The following NLRP5 variants were observed in gnomAD, a reference collection of about 807,000 sequenced individuals.
The protein encoded by NLRP5 is NACHT, LRR and PYD domains-containing protein 5.
In NLRP5, 93 loss-of-function variants were observed where a neutral mutation model predicts 113.1. The ratio of observed to expected loss-of-function variants is 0.82; its 90% CI spans 0.70 to 0.98. The LOEUF (loss-of-function observed/expected upper bound fraction) is 0.98, where lower values mean the gene tolerates loss of function less well. Ranked by LOEUF, NLRP5 falls within the 50% of genes least tolerant of loss-of-function variation. The pLI, the probability that NLRP5 is intolerant of heterozygous loss-of-function variation, is 0.00. For synonymous variants in NLRP5, 751 were observed against 600.7 expected, an observed-to-expected ratio of 1.25 and a Z score of -3.66; for missense variants, 1,808 against 1,514.3, an observed-to-expected ratio of 1.19 and a Z score of -3.22.
chr19:56,008,667 T>G, intron 2 of NLRP5, 121 bp from the exon 3 acceptor site: 35 of 819,240 alleles, frequency 4.3e-5, no homozygotes, highest in Non-Finnish European at 6.5e-5. Context: ...TGGAATAAAC[T>G]GAGATCCTGA....
chr19:55,994,416 G>T, the NLRP5 span, among the ~76,000 whole-genome samples: 6 of 151,904 alleles, frequency 3.9e-5, no homozygotes, highest in African/African-American at 1.5e-4. Flanking sequence ...TTTTGGGAGG[G>T]GGGACAGAGT....
chr19:56,046,344 C>T (rs306435), intron 11 of NLRP5, among the ~76,000 whole-genome samples: 108,494 of 151,852 alleles, frequency 0.71, 39,577 homozygotes, highest in African/African-American at 0.81. Context: ...GGTTAGCTAG[C>T]ATTTTGTTAA....
chr19:56,030,714 C>CTTCTTTTTTTTTTTTTTTTTTA (rs1555767859), intron 7 of NLRP5, among the ~76,000 whole-genome samples: 1 of 71,350 alleles, frequency 1.4e-5, no homozygotes, highest in African/African-American at 7.2e-5. Flanking sequence ...CTTTCTTCTT[C>CTTCTTTTTTTTTTTTTTTTTTA]TTTTTTTTTT....
chr19:56,005,091 C>T (rs1232464509), intron 2 of NLRP5, among the ~76,000 whole-genome samples: 1 of 42,088 alleles, frequency 2.4e-5, no homozygotes, highest in Non-Finnish European at 4.4e-5. Context: ...GAGACTGTGT[C>T]TCAAAAAAAA....
intron 6 of NLRP5, among the ~76,000 whole-genome samples, chr19:56,024,418 A>G (rs891008499): frequency 9.6e-5 from 12 of 124,980 alleles, no homozygotes; most frequent in African/African-American, 2.5e-4. Context: ...ATATGTATAT[A>G]TGTTATATAT....
intron 3 of NLRP5, among the ~76,000 whole-genome samples, chr19:56,012,889 T>C (rs1395166086): frequency 6.6e-6 from 1 of 151,906 alleles, no homozygotes; most frequent in Non-Finnish European, 1.5e-5. Flanking sequence ...TCTCTTTATA[T>C]ACTTTCCTTG....
At chr19:56,018,490 T>C (rs1371864763) in intron 4 of NLRP5, 2 of 152,222 alleles carry the variant, frequency 1.3e-5, no homozygotes, top group Non-Finnish European at 2.9e-5. Flanking sequence ...TTCTTTGCTT[T>C]TCTAGATGAG....
At chr19:56,055,073 C>T (rs1184693060) in intron 13 of NLRP5, among the ~76,000 whole-genome samples, 2 of 147,760 alleles carry the variant, frequency 1.4e-5, no homozygotes, top group Non-Finnish European at 3.0e-5. Context: ...AATCTCGGCT[C>T]CCTGGAATCT....
At position 56,061,373 on chromosome 19, in the gene NLRP5, G is replaced by A. The variant is rs145389690; in HGVS notation, c.3471-23G>A. On this transcript the variant is annotated intron_variant, in intron 14 of 14. Coordinates refer to ENST00000390649, the MANE Select transcript of NLRP5 (RefSeq NM_153447.4). ...GAGTCGAAAGCAACATCTCAGTAAC[G>A]AGTCCTCTCTCTGCCTCCCCAGGCT... 6.3e-5 allele frequency: 101 copies of A among 1,610,872 alleles called. No individual in the cohort carries two copies. In the African/African-American group the frequency reaches 6.5e-4, roughly 10 times the overall value.
At chr19:56,015,980 G>T (rs960073662) in intron 4 of NLRP5, among the ~76,000 whole-genome samples, 182 bp downstream of exon 4, 4 of 152,018 alleles carry the variant, frequency 2.6e-5, no homozygotes, top group Non-Finnish European at 4.4e-5. Flanking sequence ...AACCTTGCAC[G>T]TTCACTACGA....
chr19:56,021,648 G>A (rs966069886), intron 6 of NLRP5, among the ~76,000 whole-genome samples: 1 of 152,184 alleles, frequency 6.6e-6, no homozygotes, highest in African/African-American at 2.4e-5. Flanking sequence ...GTGTCTATCA[G>A]CACTTCGTTT....
intron 12 of NLRP5, among the ~76,000 whole-genome samples, chr19:56,051,853 A>T (rs1983942797): frequency 6.6e-6 from 1 of 152,208 alleles, no homozygotes; most frequent in African/African-American, 2.4e-5. Context: ...GAATTAATGG[A>T]CCACAAGTGG....
chr19:56,009,100 A>G (rs929803654), intron 3 of NLRP5, among the ~76,000 whole-genome samples: 4 of 151,902 alleles, frequency 2.6e-5, no homozygotes, highest in African/African-American at 9.7e-5. Context: ...GTACTTTGGG[A>G]GGCTGAGGTG....
intron 2 of NLRP5, among the ~76,000 whole-genome samples, chr19:56,005,271 A>G (rs1244950484): frequency 2.0e-5 from 3 of 147,158 alleles, no homozygotes; most frequent in South Asian, 4.2e-4. Context: ...ATACACATAC[A>G]CATATACACA....
rs1983889053 is a variant in NLRP5 at position 56,050,427 on chromosome 19, G to C, written c.2967G>C (p.Gln989His). The C allele has an allele frequency of 3.1e-6, 5 of 1,613,450 alleles. No individual in the cohort carries two copies. In the South Asian group the frequency reaches 5.5e-5, roughly 18 times the overall value. The change falls in exon 12 of 15, where the codon CAG (glutamine) becomes CAC (histidine). Residue 989 changes from glutamine (Q) to histidine (H), a missense_variant. Transcript: ENST00000390649. ...TGTGTGTGCCCCACAGGCTGAATCAGTGCCACCTGGACACGGCTGGCTGTG... is the reference window on the plus strand; with the variant it reads ...TGTGTGTGCCCCACAGGCTGAATCACTGCCACCTGGACACGGCTGGCTGTG...
intron 4 of NLRP5, among the ~76,000 whole-genome samples, chr19:56,016,001 TAC>T (rs765458260): frequency 1.3e-5 from 2 of 152,222 alleles, no homozygotes; most frequent in Non-Finnish European, 2.9e-5. Flanking sequence ...TTATTTTCAC[TAC>T]AGTTTTTTAT....
Position 56,061,559 on chromosome 19 carries a change from T to C in NLRP5, c.*31T>C. ...CGGAAACCTGCCCCACTCACACCCA[T>C]CTGATGGAGGAACTTTAAACGCTGT... On this transcript the variant is annotated 3_prime_UTR_variant, in exon 15 of 15. Coordinates refer to ENST00000390649, the MANE Select transcript of NLRP5 (RefSeq NM_153447.4). The C allele has an allele frequency of 1.2e-6, 2 of 1,612,678 alleles. No individual in the cohort carries two copies. Among genetic ancestry groups the C allele is most frequent in the Non-Finnish European group, 1.7e-6 (2 of 1,179,068 alleles).
At chr19:56,008,919 C>G (rs1004839414) in intron 3 of NLRP5, 66 bp downstream of exon 3, 159 of 1,384,358 alleles carry the variant, frequency 1.1e-4, no homozygotes, top group Non-Finnish European at 1.5e-4. Context: ...GTTTGCATCT[C>G]TAGGCATTAG....
chr19:56,038,478 C>T (rs1051872957), intron 10 of NLRP5, among the ~76,000 whole-genome samples: 6 of 152,294 alleles, frequency 3.9e-5, no homozygotes, highest in African/African-American at 7.2e-5. Context: ...CTCTCCTGGG[C>T]GTGAGGCTTA....
Sources: gnomAD v4.1 joint callset for allele counts (sites outside exome capture counted in the v4.1 genomes callset) on GRCh38, gnomAD v4.1.1 for gene constraint, MANE v1.5 for transcripts, NCBI Gene and HGNC (gene_info 2026-07-23, HGNC 2026-07-21) for gene names.